The following MIS18A variants were observed in gnomAD, a reference collection of about 807,000 sequenced individuals.
MIS18A encodes MIS18 kinetochore protein A, also known as protein Mis18-alpha.
A neutral mutation model predicts 25.0 loss-of-function variants in MIS18A; 14 were observed. That is an observed-to-expected ratio of 0.56 (90% CI 0.37 to 0.88). MIS18A has a LOEUF of 0.88. Ranked by LOEUF, MIS18A falls within the 40% of genes least tolerant of loss-of-function variation. The pLI is 0.00. For synonymous variants in MIS18A, 134 were observed against 118.6 expected (o/e 1.13, Z -0.84); for missense variants, 292 against 290.8 (o/e 1.00, Z -0.03).
the MIS18A span, among the ~76,000 whole-genome samples, chr21:32,187,999 T>TTCTATCTC: frequency 1.2e-3 from 102 of 82,312 alleles, no homozygotes; most frequent in African/African-American, 7.3e-3. Context: ...AGAGCTCCCT[T>TTCTATCTC]TCTGTCTCTC....
At chr21:32,190,283 T>A in the MIS18A span, among the ~76,000 whole-genome samples, 1 of 152,226 alleles carries the variant, frequency 6.6e-6, no homozygotes, top group Non-Finnish European at 1.5e-5. Context: ...GCAATGGTAT[T>A]GCACAACCCC....
At chr21:32,244,658 G>C in the MIS18A span, among the ~76,000 whole-genome samples, 8 of 152,094 alleles carry the variant, frequency 5.3e-5, no homozygotes, top group Admixed American at 5.2e-4. Flanking sequence ...GACTGCTTGA[G>C]CCTGGGAGGT....
chr21:32,217,152 G>C, the MIS18A span, among the ~76,000 whole-genome samples: 1 of 151,864 alleles, frequency 6.6e-6, no homozygotes, highest in African/African-American at 2.4e-5. Flanking sequence ...TGTTCCAAAG[G>C]AAAAACTAGA....
At position 32,270,478 on chromosome 21, in the gene MIS18A, C is replaced by T. The variant is rs114381068; in HGVS notation, c.453G>A (p.Val151=). 2.6e-4 allele frequency: 422 copies of T among 1,609,816 alleles called. 4 individuals carry two copies. The African/African-American group carries it at 3.7e-3, about 14-fold the overall frequency. Reference sequence around the variant, plus strand: ...CAAGATTCTTGGGCGTGCATCTGTACACGTAGCCAAGATTGAGTGAGCACC... The same window carrying T: ...CAAGATTCTTGGGCGTGCATCTGTATACGTAGCCAAGATTGAGTGAGCACC... ...CAGCSLNLGY[V]YRCTPKNLDY... The change falls in exon 3 of 5, where the codon GTG becomes GTA. Residue 151 remains valine (V), a synonymous_variant. Transcript: ENST00000290130.
At chr21:32,187,944 G>A in the MIS18A span, among the ~76,000 whole-genome samples, 330 of 152,042 alleles carry the variant, frequency 2.2e-3, no homozygotes, top group Non-Finnish European at 4.1e-3. Flanking sequence ...CATGAGGGTC[G>A]GGCCCCCATG....
At chr21:32,193,503 GA>G in the MIS18A span, among the ~76,000 whole-genome samples, 3,428 of 110,322 alleles carry the variant, frequency 0.031, 84 homozygotes, top group African/African-American at 0.075. Context: ...TAGATAGATA[GA>G]TAGATAGATA....
the MIS18A span, among the ~76,000 whole-genome samples, chr21:32,170,627 T>C: frequency 2.0e-5 from 3 of 152,046 alleles, no homozygotes; most frequent in Non-Finnish European, 4.4e-5. Context: ...TAACATAGCC[T>C]CATAGACTTG....
At chr21:32,228,110 AT>A in the MIS18A span, among the ~76,000 whole-genome samples, 1 of 152,166 alleles carries the variant, frequency 6.6e-6, no homozygotes, top group Non-Finnish European at 1.5e-5. Flanking sequence ...GTTTTATGAG[AT>A]GAAGTCTCTC....
chr21:32,206,292 T>C, the MIS18A span, among the ~76,000 whole-genome samples: 5 of 152,242 alleles, frequency 3.3e-5, no homozygotes, highest in African/African-American at 4.8e-5. Flanking sequence ...AGGGTGTATA[T>C]TGGGTGAGGG....
intron 1 of MIS18A, among the ~76,000 whole-genome samples, chr21:32,277,504 G>A (rs532520976): frequency 1.3e-5 from 2 of 152,272 alleles, no homozygotes; most frequent in South Asian, 2.1e-4. Context: ...CCAGGCTGGA[G>A]TGCAGTGGCG....
chr21:32,253,214 G>C, the MIS18A span, among the ~76,000 whole-genome samples: 1 of 152,156 alleles, frequency 6.6e-6, no homozygotes, highest in Non-Finnish European at 1.5e-5. Context: ...ATGAGCAGGG[G>C]AGGGAAGGAA....
At chr21:32,192,062 G>A in the MIS18A span, among the ~76,000 whole-genome samples, 1 of 152,182 alleles carries the variant, frequency 6.6e-6, no homozygotes, top group Non-Finnish European at 1.5e-5. Flanking sequence ...GGAAGGAAGG[G>A]AAGATATCTC....
chr21:32,175,203 CA>C, the MIS18A span, among the ~76,000 whole-genome samples: 1 of 152,106 alleles, frequency 6.6e-6, no homozygotes, highest in Admixed American at 6.6e-5. Context: ...CATACCCAAA[CA>C]TATAAAGATA....
the MIS18A span, among the ~76,000 whole-genome samples, chr21:32,188,654 A>T: frequency 2.0e-5 from 3 of 152,216 alleles, no homozygotes; most frequent in Admixed American, 2.0e-4. Context: ...ACGTTGCTCC[A>T]GGTATCCCAG....
At chr21:32,258,025 G>C in the MIS18A span, among the ~76,000 whole-genome samples, 8 of 152,152 alleles carry the variant, frequency 5.3e-5, no homozygotes, top group Admixed American at 4.6e-4. Flanking sequence ...TACAGATAGA[G>C]GGTTCCTGCC....
In MIS18A at chr21:32,269,017, T is replaced by A. The variant is rs758931032; in HGVS notation, c.*20A>T. On this transcript the variant is annotated 3_prime_UTR_variant, in exon 5 of 5. Transcript: ENST00000290130. ...AAGGGGAGGAAGGGCGGGGGCAGAATGGAGGACACAGACTAGAGTTCAGCT... is the reference window on the plus strand; with the variant it reads ...AAGGGGAGGAAGGGCGGGGGCAGAAAGGAGGACACAGACTAGAGTTCAGCT... The A allele has an allele frequency of 1.3e-6, 2 of 1,550,254 alleles. No homozygotes were observed. The highest frequency in any genetic ancestry group is 2.3e-5 in the East Asian group (1 of 44,390).
At chr21:32,237,443 T>C in the MIS18A span, among the ~76,000 whole-genome samples, 5 of 152,224 alleles carry the variant, frequency 3.3e-5, no homozygotes, top group African/African-American at 9.6e-5. Flanking sequence ...CCAATTGCCA[T>C]AGCTTAATAG....
At chr21:32,173,673 T>C in the MIS18A span, among the ~76,000 whole-genome samples, 1 of 152,112 alleles carries the variant, frequency 6.6e-6, no homozygotes, top group Non-Finnish European at 1.5e-5. Context: ...CACAAAGATA[T>C]ATTGTATGAT....
the MIS18A span, among the ~76,000 whole-genome samples, chr21:32,223,084 C>A: frequency 6.6e-6 from 1 of 151,988 alleles, no homozygotes; most frequent in African/African-American, 2.4e-5. Context: ...TCAATGAGAA[C>A]CAAGACACAA....
Sources: gnomAD v4.1 joint callset for allele counts (sites outside exome capture counted in the v4.1 genomes callset) on GRCh38, gnomAD v4.1.1 for gene constraint, MANE v1.5 for transcripts, NCBI Gene and HGNC (gene_info 2026-07-23, HGNC 2026-07-21) for gene names.